The following THSD4 variants were observed in gnomAD, a reference collection of about 807,000 sequenced individuals.
THSD4 encodes the protein thrombospondin type-1 domain-containing protein 4.
THSD4 carries 69 observed loss-of-function variants against 119.0 expected under a neutral mutation model. That is an observed-to-expected ratio of 0.58 (90% confidence interval 0.48 to 0.71). The LOEUF (loss-of-function observed/expected upper bound fraction) is 0.71, where lower values mean the gene tolerates loss of function less well. THSD4 is among the 30% of genes least tolerant of loss of function. The pLI is 0.00. For synonymous variants in THSD4, 524 were observed against 540.4 expected (o/e 0.97, Z 0.42); for missense variants, 1,393 against 1,391.1 (o/e 1.00, Z -0.02).
intron 9 of THSD4, 136 bp downstream of exon 9, chr15:71,728,860 C>T (rs896837360): frequency 2.5e-5 from 28 of 1,141,152 alleles, no homozygotes; most frequent in Non-Finnish European, 3.3e-5. Flanking sequence ...GTTGGAGGCA[C>T]TCCTTGAATG....
intron 14 of THSD4, among the ~76,000 whole-genome samples, 191 bp downstream of exon 14, chr15:71,748,785 A>G (rs2141175765): frequency 6.6e-6 from 1 of 152,270 alleles, no homozygotes; most frequent in South Asian, 2.1e-4. Flanking sequence ...AAAGGTGAGG[A>G]GGGTGTATGC....
In THSD4 at chr15:71,768,278, A is replaced by G. The variant is rs539904645; in HGVS notation, c.2770-2786A>G. Among the ~76,000 whole-genome samples the G allele has an allele frequency of 6.6e-4, 100 of 150,472 alleles. No homozygotes were observed. In the Middle Eastern group the frequency reaches 0.01, roughly 16 times the overall value. On this transcript the variant is annotated intron_variant, in intron 16 of 17. Coordinates refer to ENST00000261862, the MANE Select transcript of THSD4 (RefSeq NM_024817.3). Reference sequence around the variant, plus strand: ...CGGAAGTAGTCTCACAAAAAAAACCAAAAAAAAACCCTGCACCTGTTAAGG... The same window carrying G: ...CGGAAGTAGTCTCACAAAAAAAACCGAAAAAAAACCCTGCACCTGTTAAGG...
chr15:71,705,461 G>T (rs866773792), intron 8 of THSD4, among the ~76,000 whole-genome samples: 3 of 152,184 alleles, frequency 2.0e-5, no homozygotes, highest in African/African-American at 7.2e-5. Flanking sequence ...ACCCCGAGCA[G>T]CTTATCCAGG....
intron 3 of THSD4, among the ~76,000 whole-genome samples, chr15:71,198,136 C>T (rs1448293259): frequency 1.3e-5 from 2 of 152,132 alleles, no homozygotes; most frequent in African/African-American, 4.8e-5. Flanking sequence ...TGCCATGAAC[C>T]TATAGTCCCA....
intron 8 of THSD4, among the ~76,000 whole-genome samples, chr15:71,679,481 T>C (rs1023193098): frequency 2.0e-5 from 3 of 152,242 alleles, no homozygotes; most frequent in African/African-American, 7.2e-5. Flanking sequence ...CCGCCAAGTT[T>C]AGCCCTCATG....
intron 6 of THSD4, among the ~76,000 whole-genome samples, chr15:71,363,182 C>A (rs957147604): frequency 3.3e-5 from 5 of 152,162 alleles, no homozygotes; most frequent in Non-Finnish European, 7.3e-5. Context: ...CTATTTTAGA[C>A]TGTAGGCCAG....
At chr15:71,510,204 G>A (rs2048257929) in intron 7 of THSD4, among the ~76,000 whole-genome samples, 1 of 152,154 alleles carries the variant, frequency 6.6e-6, no homozygotes, top group South Asian at 2.1e-4. Flanking sequence ...TCTAGTGTCT[G>A]GTAAACACTC....
At chr15:71,112,686 A>G (rs1483356056), upstream of THSD4, among the ~76,000 whole-genome samples, 8 of 152,192 alleles carry the variant, frequency 5.3e-5, no homozygotes, top group Admixed American at 4.6e-4. Flanking sequence ...TCTGAAGCAC[A>G]TATTCTTGGC....
intron 3 of THSD4, chr15:71,187,706 A>G (rs1238490860): frequency 6.6e-6 from 1 of 152,340 alleles, no homozygotes; most frequent in Non-Finnish European, 1.5e-5. Context: ...TCAGCCCTTG[A>G]GCTGCATTTG....
At chr15:71,111,160 C>T (rs1488507111), upstream of THSD4, 3 of 1,610,288 alleles carry the variant, frequency 1.9e-6, no homozygotes, top group Non-Finnish European at 2.5e-6. Flanking sequence ...CCTATCTCCT[C>T]TGACCAGATG....
At chr15:71,569,099 G>A (rs541838996) in intron 7 of THSD4, among the ~76,000 whole-genome samples, 47 of 152,370 alleles carry the variant, frequency 3.1e-4, no homozygotes, top group South Asian at 1.0e-3. Flanking sequence ...TTTGCTAGAA[G>A]CATCCAGGGT....
chr15:71,482,023 A>G (rs535216215), intron 7 of THSD4, among the ~76,000 whole-genome samples: 4 of 152,326 alleles, frequency 2.6e-5, no homozygotes, highest in Admixed American at 6.5e-5. Context: ...AACATGGGGT[A>G]AAAAAATAAT....
At chr15:71,154,617 AC>A (rs2040757997) in intron 2 of THSD4, among the ~76,000 whole-genome samples, 1 of 152,122 alleles carries the variant, frequency 6.6e-6, no homozygotes, top group Non-Finnish European at 1.5e-5. Context: ...CTGATCTAGA[AC>A]CCCTGCGGGT....
chr15:71,719,306 C>T (rs1171449251), intron 8 of THSD4, among the ~76,000 whole-genome samples: 1 of 152,202 alleles, frequency 6.6e-6, no homozygotes, highest in Non-Finnish European at 1.5e-5. Context: ...GAAACTCACA[C>T]AGGTTTGAGT....
intron 1 of THSD4, among the ~76,000 whole-genome samples, chr15:71,101,880 A>AT (rs1567126705): frequency 6.6e-6 from 1 of 151,872 alleles, no homozygotes; most frequent in African/African-American, 2.4e-5. Context: ...CGACTGGCTA[A>AT]TTTTTTGTAT....
At chr15:71,358,412 G>C (rs548406694) in intron 6 of THSD4, among the ~76,000 whole-genome samples, 1 of 152,186 alleles carries the variant, frequency 6.6e-6, no homozygotes, top group African/African-American at 2.4e-5. Context: ...GCAGCCATCC[G>C]ACAGAAATCC....
chr15:71,573,879 G>T (rs531659381), intron 7 of THSD4, among the ~76,000 whole-genome samples: 1 of 152,314 alleles, frequency 6.6e-6, no homozygotes, highest in South Asian at 2.1e-4. Context: ...TGTTTCCCCA[G>T]CACCTACTGG....
chr15:71,660,690 C>A lies in THSD4; in HGVS notation c.1313C>A (p.Thr438Lys), dbSNP rs749428270. The change falls in exon 8 of 18, where the codon ACG becomes AAG. Residue 438 changes from threonine (T) to lysine (K), a missense_variant. Thr to Lys is a moderately conservative substitution (Grantham distance 78, BLOSUM62 -1). Coordinates refer to ENST00000261862, the MANE Select transcript of THSD4 (RefSeq NM_024817.3). ...GTCGTGGAGATTCCCGAGGGAGCCACGAAAATCAACATCACGGAGATGTAC... is the reference window on the plus strand; with the variant it reads ...GTCGTGGAGATTCCCGAGGGAGCCAAGAAAATCAACATCACGGAGATGTAC... ...HRVVEIPEGA[T>K]KINITEMYKS... 2.5e-6 allele frequency: 4 copies of A among 1,614,100 alleles called. No individual in the cohort carries two copies. The highest frequency in any genetic ancestry group is 3.4e-6 in the Non-Finnish European group (4 of 1,180,020).
intron 8 of THSD4, among the ~76,000 whole-genome samples, chr15:71,727,920 G>T (rs993310958): frequency 6.6e-6 from 1 of 152,068 alleles, no homozygotes; most frequent in Non-Finnish European, 1.5e-5. Context: ...AACAGGGAGG[G>T]GTGGGGACTG....
Sources: allele counts gnomAD v4.1 joint callset (sites outside exome capture counted in the v4.1 genomes callset), GRCh38; gene constraint gnomAD v4.1.1; transcripts MANE v1.5; gene names NCBI Gene and HGNC (gene_info 2026-07-23, HGNC 2026-07-21).